The following SDC2 variants were observed in gnomAD, a reference collection of about 807,000 sequenced individuals.
SDC2 encodes syndecan-2.
Under a neutral mutation model 22.2 loss-of-function variants are expected in SDC2, and 13 were observed. The ratio of observed to expected loss-of-function variants is 0.59; its 90% CI spans 0.38 to 0.93. The LOEUF (loss-of-function observed/expected upper bound fraction) is 0.93, where lower values mean the gene tolerates loss of function less well. Ranked by LOEUF, SDC2 falls within the 40% of genes least tolerant of loss-of-function variation. The pLI, the probability that SDC2 is intolerant of heterozygous loss-of-function variation, is 0.00. For missense variants in SDC2, 235 were observed against 246.8 expected (o/e 0.95, Z 0.32); for synonymous variants, 94 against 92.8 (o/e 1.01, Z -0.07).
chr8:96,531,615 G>T (rs1208287854), intron 1 of SDC2, among the ~76,000 whole-genome samples: 1 of 152,188 alleles, frequency 6.6e-6, no homozygotes, highest in Non-Finnish European at 1.5e-5. Flanking sequence ...AGATGGAAAA[G>T]AAAATTAAAA....
chr8:96,576,718 C>G (rs1045326915), intron 1 of SDC2, among the ~76,000 whole-genome samples: 1 of 151,958 alleles, frequency 6.6e-6, no homozygotes, highest in African/African-American at 2.4e-5. Flanking sequence ...CGCGCCCGGC[C>G]TATTCTCTTT....
intron 1 of SDC2, among the ~76,000 whole-genome samples, chr8:96,561,449 G>A (rs779111524): frequency 3.3e-5 from 5 of 152,150 alleles, no homozygotes; most frequent in Admixed American, 6.5e-5. Flanking sequence ...ATTTTAGAGC[G>A]CTTGTATAAA....
At chr8:96,532,682 A>T (rs1434149460) in intron 1 of SDC2, among the ~76,000 whole-genome samples, 1 of 152,014 alleles carries the variant, frequency 6.6e-6, no homozygotes, top group Non-Finnish European at 1.5e-5. Context: ...ACACACTGTG[A>T]GGGAAAGAGC....
intron 1 of SDC2, among the ~76,000 whole-genome samples, chr8:96,547,776 T>C (rs1401450903): frequency 6.6e-6 from 1 of 152,100 alleles, no homozygotes; most frequent in Non-Finnish European, 1.5e-5. Flanking sequence ...TGTATTTGCT[T>C]TTGAGACAGG....
At chr8:96,541,467 A>G (rs1254215029) in intron 1 of SDC2, among the ~76,000 whole-genome samples, 7 of 146,850 alleles carry the variant, frequency 4.8e-5, no homozygotes, top group Non-Finnish European at 1.0e-4. Context: ...AGATCGCACC[A>G]CAATACTCCA....
intron 2 of SDC2, among the ~76,000 whole-genome samples, chr8:96,600,237 C>A (rs537706031): frequency 6.6e-6 from 1 of 152,228 alleles, no homozygotes; most frequent in South Asian, 2.1e-4. Flanking sequence ...TGATGCGATT[C>A]TGTGGAAAAT....
intron 3 of SDC2, 131 bp from the exon 4 acceptor site, chr8:96,608,204 T>TA (rs1815115154): frequency 2.6e-6 from 2 of 769,920 alleles, no homozygotes; most frequent in South Asian, 3.8e-5. Context: ...ATCACACAAG[T>TA]GATTATTCCA....
chr8:96,595,775 A>G (rs1814864313), intron 2 of SDC2, among the ~76,000 whole-genome samples: 1 of 151,132 alleles, frequency 6.6e-6, no homozygotes, highest in Non-Finnish European at 1.5e-5. Context: ...GACTTTGCCA[A>G]CCTCTACAGA....
At chr8:96,505,653 TCTTAA>T (rs753259366) in intron 1 of SDC2, among the ~76,000 whole-genome samples, 8 of 152,226 alleles carry the variant, frequency 5.3e-5, no homozygotes, top group Non-Finnish European at 1.0e-4. Flanking sequence ...TGAATTAAAA[TCTTAA>T]CTTTATTTAT....
In SDC2 at chr8:96,608,497, GGAGGGT is replaced by G. The variant is rs754828242; in HGVS notation, c.442+29_442+34del. 2.4e-5 allele frequency: 39 copies of G among 1,599,404 alleles called. No individual in the cohort carries two copies. The Middle Eastern group carries it at 1.5e-3, about 62-fold the overall frequency. On this transcript the variant is annotated intron_variant, in intron 4 of 4. Coordinates refer to ENST00000302190, the MANE Select transcript of SDC2 (RefSeq NM_002998.4). ...TGAGTAGCCTGGTGGGCCTCAGGTG[GGAGGGT>G]GCCTACATAGGCCTCTGTTAGTCTA...
At chr8:96,511,008 G>C (rs900089326) in intron 1 of SDC2, among the ~76,000 whole-genome samples, 1 of 152,136 alleles carries the variant, frequency 6.6e-6, no homozygotes, top group Non-Finnish European at 1.5e-5. Context: ...TCTCGAAGTA[G>C]GGACTAATCA....
At chr8:96,515,547 G>A (rs565146766) in intron 1 of SDC2, among the ~76,000 whole-genome samples, 2 of 152,288 alleles carry the variant, frequency 1.3e-5, no homozygotes, top group South Asian at 4.1e-4. Flanking sequence ...ATGTCCACCT[G>A]TTAGAGACAG....
At chr8:96,589,015 T>C (rs1032401621) in intron 1 of SDC2, among the ~76,000 whole-genome samples, 2 of 152,214 alleles carry the variant, frequency 1.3e-5, no homozygotes, top group African/African-American at 4.8e-5. Context: ...AATGGACAGG[T>C]TTGTGATGTT....
intron 1 of SDC2, among the ~76,000 whole-genome samples, chr8:96,557,892 C>A (rs1352935420): frequency 6.6e-6 from 1 of 152,140 alleles, no homozygotes; most frequent in Non-Finnish European, 1.5e-5. Flanking sequence ...TAACTCTATG[C>A]TGAGTATTTT....
intron 1 of SDC2, among the ~76,000 whole-genome samples, chr8:96,506,171 T>A (rs1813235451): frequency 6.6e-6 from 1 of 152,196 alleles, no homozygotes; most frequent in Non-Finnish European, 1.5e-5. Flanking sequence ...GACACTTGAT[T>A]TTCATATGTT....
At chr8:96,604,695 C>A (rs1815049669) in intron 3 of SDC2, among the ~76,000 whole-genome samples, 1 of 152,078 alleles carries the variant, frequency 6.6e-6, no homozygotes, top group African/African-American at 2.4e-5. Flanking sequence ...AAAAGGGAAT[C>A]TCGTTATTTG....
chr8:96,502,407 T>G (rs556230214), intron 1 of SDC2, among the ~76,000 whole-genome samples: 1 of 152,314 alleles, frequency 6.6e-6, no homozygotes, highest in Non-Finnish European at 1.5e-5. Flanking sequence ...TTTTTATATA[T>G]TTTCTGATAC....
chr8:96,515,546 T>A (rs1031661716), intron 1 of SDC2, among the ~76,000 whole-genome samples: 1 of 152,172 alleles, frequency 6.6e-6, no homozygotes, highest in Admixed American at 6.5e-5. Flanking sequence ...AATGTCCACC[T>A]GTTAGAGACA....
chr8:96,552,469 T>C (rs1008230576), intron 1 of SDC2, among the ~76,000 whole-genome samples: 2 of 152,226 alleles, frequency 1.3e-5, no homozygotes, highest in East Asian at 1.9e-4. Context: ...TATATCATGC[T>C]GCAGTCTTTT....
Sources: allele counts gnomAD v4.1 joint callset (sites outside exome capture counted in the v4.1 genomes callset), GRCh38; gene constraint gnomAD v4.1.1; transcripts MANE v1.5; gene names NCBI Gene and HGNC (gene_info 2026-07-23, HGNC 2026-07-21).